RSPH14: variants seen among roughly 807,000 people sequenced by gnomAD.
The protein encoded by RSPH14 is rhabdoid tumor deletion region gene 1.
Under a neutral mutation model 26.7 loss-of-function variants are expected in RSPH14, and 20 were observed. The ratio of observed to expected loss-of-function variants is 0.75; its 90% CI spans 0.53 to 1.09. RSPH14 has a LOEUF of 1.09. Ranked by LOEUF, RSPH14 falls within the 50% of genes least tolerant of loss-of-function variation. The pLI is 0.00. For missense variants in RSPH14, 449 were observed against 457.2 expected, an observed-to-expected ratio of 0.98 and a Z score of 0.16; for synonymous variants, 177 against 189.3, an observed-to-expected ratio of 0.93 and a Z score of 0.53.
the RSPH14 span, among the ~76,000 whole-genome samples, chr22:23,153,881 G>C: frequency 7.8e-4 from 119 of 151,844 alleles, no homozygotes; most frequent in Non-Finnish European, 1.6e-3. Flanking sequence ...TAGAGATGGG[G>C]TTTTACTATG....
At chr22:23,109,035 T>G (rs1046643160) in intron 4 of RSPH14, among the ~76,000 whole-genome samples, 2 of 152,188 alleles carry the variant, frequency 1.3e-5, no homozygotes, top group African/African-American at 4.8e-5. Context: ...CAGCTCCATA[T>G]CCGATGTGTC....
rs1187053991 is a variant in RSPH14 at position 23,071,352 on chromosome 22, G to T, written c.422-7219C>A. 3.3e-5 allele frequency among the ~76,000 whole-genome samples: 5 copies of T among 152,182 alleles called. No individual in the cohort carries two copies. Among genetic ancestry groups the T allele is most frequent in the African/African-American group, 1.2e-4 (5 of 41,458 alleles). On this transcript the variant is annotated intron_variant, in intron 4 of 6. Transcript: ENST00000216036. The surrounding 1 kb of genome is among the most constrained non-coding windows in gnomAD (Gnocchi z 4.1). ...GATTCGGCCTAGGCCGAGAATGGGG[G>T]CTCCTGTTAACTGAGACAAGAGGAT...
At chr22:23,166,263 G>A in the RSPH14 span, among the ~76,000 whole-genome samples, 21 of 149,026 alleles carry the variant, frequency 1.4e-4, no homozygotes, top group African/African-American at 5.0e-4. Flanking sequence ...GCCAAAATGG[G>A]GCATTTTGGC....
chr22:23,167,997 C>T, the RSPH14 span, among the ~76,000 whole-genome samples: 2 of 152,138 alleles, frequency 1.3e-5, no homozygotes, highest in South Asian at 2.1e-4. Context: ...CAGGAATGAG[C>T]CAGCATGCCC....
At chr22:23,112,696 G>A (rs1254396406) in intron 4 of RSPH14, among the ~76,000 whole-genome samples, 1 of 152,218 alleles carries the variant, frequency 6.6e-6, no homozygotes, top group African/African-American at 2.4e-5. Flanking sequence ...CTCAAGGTAA[G>A]CACGATGCAG....
At chr22:23,099,579 G>A (rs1471561434) in intron 4 of RSPH14, among the ~76,000 whole-genome samples, 1 of 152,252 alleles carries the variant, frequency 6.6e-6, no homozygotes, top group Non-Finnish European at 1.5e-5. Context: ...TGAGGCTCAG[G>A]CACACAGCTG....
At chr22:23,146,469 C>G, upstream of RSPH14, 5 of 1,367,768 alleles carry the variant, frequency 3.7e-6, no homozygotes, top group Non-Finnish European at 4.8e-6. Flanking sequence ...ACCTTGGCCT[C>G]CCAAAGTGCT....
the RSPH14 span, chr22:23,161,826 C>A: frequency 3.1e-5 from 15 of 485,440 alleles, no homozygotes; most frequent in Middle Eastern, 5.5e-4. Flanking sequence ...GTGGTGATCC[C>A]ATAAAAGGCC....
intron 4 of RSPH14, among the ~76,000 whole-genome samples, chr22:23,076,951 G>A (rs2068520951): frequency 6.6e-6 from 1 of 152,224 alleles, no homozygotes; most frequent in Non-Finnish European, 1.5e-5. Flanking sequence ...CCTTGCCTTT[G>A]AGTTGGAAGC....
At chr22:23,090,122 A>G (rs1208662088) in intron 4 of RSPH14, among the ~76,000 whole-genome samples, 2 of 152,000 alleles carry the variant, frequency 1.3e-5, no homozygotes, top group Non-Finnish European at 2.9e-5. Flanking sequence ...GATACAGTCC[A>G]CTCATCTGTA....
At chr22:23,133,337 G>A (rs1032274537) in intron 4 of RSPH14, among the ~76,000 whole-genome samples, 2 of 152,162 alleles carry the variant, frequency 1.3e-5, no homozygotes, top group Non-Finnish European at 2.9e-5. Context: ...AGCAAAAGTA[G>A]CTACAAGCAA....
the RSPH14 span, among the ~76,000 whole-genome samples, chr22:23,166,890 G>A: frequency 6.6e-5 from 10 of 152,110 alleles, no homozygotes; most frequent in Admixed American, 6.5e-4. Flanking sequence ...GTGCCTCCTG[G>A]GGGAGTAGCA....
At chr22:23,090,010 C>T (rs2146298424) in intron 4 of RSPH14, among the ~76,000 whole-genome samples, 1 of 152,232 alleles carries the variant, frequency 6.6e-6, no homozygotes, top group East Asian at 1.9e-4. Context: ...CGCACTAAGT[C>T]CTAAGCGACC....
At chr22:23,166,704 C>A in the RSPH14 span, among the ~76,000 whole-genome samples, 2 of 152,156 alleles carry the variant, frequency 1.3e-5, no homozygotes, top group African/African-American at 4.8e-5. Flanking sequence ...TCTCACAGTG[C>A]AGCCTCACAC....
chr22:23,072,191 T>C (rs767750114), intron 4 of RSPH14, among the ~76,000 whole-genome samples: 18 of 152,248 alleles, frequency 1.2e-4, no homozygotes, highest in Non-Finnish European at 2.2e-4. Flanking sequence ...CTTGTTAGGA[T>C]TGAGTTGCCT....
chr22:23,131,719 A>G (rs1174963274), intron 4 of RSPH14: 3 of 1,034,172 alleles, frequency 2.9e-6, no homozygotes, highest in Non-Finnish European at 4.0e-6. Flanking sequence ...TCAACCCAGC[A>G]CTGGTCCCCC....
chr22:23,130,541 G>GAAAGAAAGAAAGA (rs2070341584), intron 4 of RSPH14, among the ~76,000 whole-genome samples: 1 of 94,236 alleles, frequency 1.1e-5, no homozygotes, highest in South Asian at 3.9e-4. Flanking sequence ...AGAGAAAGAA[G>GAAAGAAAGAAAGA]GAAAGAAGGA....
intron 4 of RSPH14, chr22:23,122,236 A>T (rs2070052437): frequency 2.0e-5 from 3 of 152,272 alleles, no homozygotes; most frequent in African/African-American, 7.2e-5. Context: ...CATGCTTCTT[A>T]AAAGCCCAGA....
chr22:23,063,779 A>G (rs8139280), intron 5 of RSPH14, 123 bp downstream of exon 5: 647,908 of 836,086 alleles, frequency 0.77, 252,882 homozygotes, highest in East Asian at 0.97. Context: ...GCTCCCTCCT[A>G]CCCCTGGGCA....
Sources: allele counts gnomAD v4.1 joint callset (sites outside exome capture counted in the v4.1 genomes callset), GRCh38; gene constraint gnomAD v4.1.1; non-coding constraint Gnocchi (gnomAD v3.1); transcripts MANE v1.5; gene names NCBI Gene and HGNC (gene_info 2026-07-23, HGNC 2026-07-21).